COL9A3: variants seen among roughly 807,000 people sequenced by gnomAD.
The protein encoded by COL9A3 is collagen alpha-3(IX) chain.
Under a neutral mutation model 110.2 loss-of-function variants are expected in COL9A3, and 82 were observed. The observed-to-expected ratio is 0.74, with a 90% CI of 0.62 to 0.89. The LOEUF is 0.89. COL9A3 is among the 40% of genes least tolerant of loss of function. COL9A3 has a pLI of 0.00. For synonymous variants in COL9A3, 494 were observed against 403.8 expected, an observed-to-expected ratio of 1.22 and a Z score of -2.68; for missense variants, 1,066 against 981.3, an observed-to-expected ratio of 1.09 and a Z score of -1.15.
At chr20:62,816,862 C>G (rs1267762186), upstream of COL9A3, among the ~76,000 whole-genome samples, 1 of 152,102 alleles carries the variant, frequency 6.6e-6, no homozygotes, top group Non-Finnish European at 1.5e-5. Context: ...GCGCCGCCCG[C>G]CCGGCGTCTT....
At chr20:62,817,413 G>A in intron 1 of COL9A3, 154 bp from the exon 2 acceptor site, 1 of 596,962 alleles carries the variant, frequency 1.7e-6, no homozygotes, top group Admixed American at 3.5e-5. Flanking sequence ...GACACACTGC[G>A]CGGGGGCGCC....
intron 2 of COL9A3, chr20:62,817,952 C>A: frequency 2.2e-6 from 1 of 456,376 alleles, no homozygotes; most frequent in Admixed American, 3.3e-5. Flanking sequence ...AGAGGCACGT[C>A]CTTTGGGTGG....
At chr20:62,817,982 T>TTGGA in intron 2 of COL9A3, 1 of 394,776 alleles carries the variant, frequency 2.5e-6, no homozygotes, top group Non-Finnish European at 4.9e-6. Flanking sequence ...GGGGGTCTTG[T>TTGGA]TGGAGGCTGC....
chr20:62,836,296 C>G lies in COL9A3; in HGVS notation c.1511C>G (p.Pro504Arg). 6.2e-7 allele frequency: 1 copy of G among 1,613,842 alleles called. No individual in the cohort carries two copies. The highest frequency in any genetic ancestry group is 8.5e-7 in the Non-Finnish European group (1 of 1,180,024). Residue 504 changes from proline to arginine, a missense_variant, in exon 28 of 32, where the codon CCG (proline) becomes CGG (arginine). Transcript: ENST00000649368. ...PPGPLGLQGVPGVPGITGKPG... is the reference protein window; with the variant it reads ...PPGPLGLQGVRGVPGITGKPG... ...GGTCCTCTGGGCCTGCAGGGCGTCCCGGGTGTTCCTGGCATCACGGGGAAG... is the reference window on the plus strand; with the variant it reads ...GGTCCTCTGGGCCTGCAGGGCGTCCGGGGTGTTCCTGGCATCACGGGGAAG...
At chr20:62,817,498 GGGA>G in intron 1 of COL9A3, 66 bp from the exon 2 acceptor site, 1 of 1,157,716 alleles carries the variant, frequency 8.6e-7, no homozygotes, top group Non-Finnish European at 1.3e-6. Flanking sequence ...CTCGGGACCC[GGGA>G]GGAGGGGACG....
At chr20:62,839,975 C>T (rs940503610) in intron 31 of COL9A3, among the ~76,000 whole-genome samples, 5 of 152,306 alleles carry the variant, frequency 3.3e-5, no homozygotes, top group East Asian at 1.9e-4. Context: ...GCCCCAGCCA[C>T]GTCTCTCCGC....
chr20:62,822,228 C>A, intron 9 of COL9A3, 64 bp downstream of exon 9: 1 of 876,618 alleles, frequency 1.1e-6, no homozygotes, highest in South Asian at 1.3e-5. Flanking sequence ...GTTGGACCCT[C>A]CCCATTCCCC....
rs774823793 is a variant in COL9A3, at chr20:62,821,196, C to T, written c.325C>T (p.Pro109Ser). 7.0e-5 allele frequency: 113 copies of T among 1,613,132 alleles called. No homozygotes were observed. In the Admixed American group the frequency reaches 1.9e-3, roughly 27 times the overall value. ...CCTCCCACAGGGAAGTCTGGGACCC[C>T]CGGGGCCGCCCGGGCTGGGGGTGAG... Reference protein sequence around the residue: ...APGERGSLGPPGPPGLGGKGL... With the variant: ...APGERGSLGPSGPPGLGGKGL... The change falls in exon 6 of 32, where the codon CCG (proline) becomes TCG (serine). Residue 109 changes from proline (P) to serine (S), a missense_variant. Coordinates refer to ENST00000649368, the MANE Select transcript of COL9A3 (RefSeq NM_001853.4).
intron 31 of COL9A3, among the ~76,000 whole-genome samples, chr20:62,839,173 A>G (rs1385845036): frequency 1.3e-5 from 2 of 151,978 alleles, no homozygotes; most frequent in East Asian, 1.9e-4. Context: ...TGCAGGTTGC[A>G]GTGAGCCAAG....
chr20:62,821,368 G>A (rs116262146), intron 6 of COL9A3, 139 bp from the exon 7 acceptor site: 2 of 1,363,534 alleles, frequency 1.5e-6, no homozygotes, highest in East Asian at 2.4e-5. Flanking sequence ...TGGGGTCCTG[G>A]TGCCCTCTCT....
chr20:62,840,710 A>C lies in COL9A3; in HGVS notation c.2033A>C (p.Lys678Thr). 1 of 1,584,408 alleles carries C rather than the reference A, an allele frequency of 6.3e-7. No homozygotes were observed. Among genetic ancestry groups the C allele is most frequent in the South Asian group, 1.1e-5 (1 of 87,388 alleles). The change falls in exon 32 of 32, where the codon AAA becomes ACA. Residue 678 changes from lysine to threonine, a missense_variant. Physicochemically the swap from Lys to Thr is moderately conservative, Grantham distance 78. Transcript: ENST00000649368. The part of the protein sequence containing the change: ...QGAVLGGVGE[K>T]SGSRSS Reference sequence around the variant, plus strand: ...GCCGTGTTAGGAGGGGTCGGGGAGAAATCAGGCTCTCGAAGCTCATAAAAT... The same window carrying C: ...GCCGTGTTAGGAGGGGTCGGGGAGACATCAGGCTCTCGAAGCTCATAAAAT...
In COL9A3 at chr20:62,828,858, G is replaced by A. The variant is rs1321672789; in HGVS notation, c.954+41G>A. ...AGGGTGTGACGGGAGGGAGGGGGCT[G>A]GAGGGGAGTTCGGCCTCCCGAGGCC... On this transcript the variant is annotated intron_variant, in intron 18 of 31. Coordinates refer to ENST00000649368, the MANE Select transcript of COL9A3 (RefSeq NM_001853.4). 4 of 1,612,504 alleles carry A rather than the reference G, an allele frequency of 2.5e-6. No homozygotes were observed. The African/African-American group carries it at 4.0e-5, about 16-fold the overall frequency.
chr20:62,817,674 G>T (rs1195733934), intron 2 of COL9A3, 39 bp downstream of exon 2: 1 of 1,424,888 alleles, frequency 7.0e-7, no homozygotes, highest in African/African-American at 1.4e-5. Context: ...GCGCTCTGGG[G>T]TTCTGGCTCT....
chr20:62,825,240 C>G (rs1192221355), intron 12 of COL9A3, among the ~76,000 whole-genome samples: 1 of 152,094 alleles, frequency 6.6e-6, no homozygotes, highest in Non-Finnish European at 1.5e-5. Context: ...GCACTGGCAC[C>G]TTCTGTGCCT....
chr20:62,829,854 A>T (rs1360341426), intron 22 of COL9A3, 35 bp downstream of exon 22: 1 of 1,542,614 alleles, frequency 6.5e-7, no homozygotes, highest in South Asian at 1.2e-5. Context: ...GTCGGGGGTT[A>T]GCACTGAGCC....
rs1009319304 is a variant in COL9A3 at position 62,826,189 on chromosome 20, G to A, written c.685-15G>A. ...GTGCAGCCCCAGCCTCTGCATCTGT[G>A]CCTCTCTCTCGCAGGGCCCCCGGGG... On this transcript the variant is annotated splice_polypyrimidine_tract_variant and intron_variant, in intron 13 of 31. Coordinates refer to ENST00000649368, the MANE Select transcript of COL9A3 (RefSeq NM_001853.4). 3 of 1,557,002 alleles carry A rather than the reference G, an allele frequency of 1.9e-6. No homozygotes were observed. The highest frequency in any genetic ancestry group is 2.4e-5 in the South Asian group (2 of 84,648).
chr20:62,817,120 T>G lies in COL9A3; in HGVS notation c.56T>G (p.Leu19Arg). 1 of 1,399,560 alleles carries G rather than the reference T, an allele frequency of 7.1e-7. No homozygotes were observed. The highest frequency in any genetic ancestry group is 9.3e-7 in the Non-Finnish European group (1 of 1,071,308). 86.7% of individuals were successfully genotyped at this position (1,399,560 alleles called of 1,614,324 possible). A position where few individuals can be genotyped will look rare whatever the true frequency, so the allele number is the denominator to read the frequency against. ...PLLLLLLLGE[L>R]LAAAGAQRVG... ...CTGCTCCTGCTCCTGCTCGGGGAGC[T>G]TCTGGCGGCCGCCGGGGCGCAGGTG... is the stretch of plus-strand genomic sequence containing the variant. The change falls in exon 1 of 32, where the codon CTT (leucine) becomes CGT (arginine). Residue 19 changes from leucine to arginine, a missense_variant. Transcript: ENST00000649368.
In COL9A3 at chr20:62,830,444, G is replaced by A. The variant is rs1303292801; in HGVS notation, c.1215+31G>A. 3 of 1,521,938 alleles carry A rather than the reference G, an allele frequency of 2.0e-6. No homozygotes were observed. In the African/African-American group the frequency reaches 5.5e-5, roughly 28 times the overall value. 94.3% of individuals were successfully genotyped at this position (1,521,938 alleles called of 1,614,324 possible). A position where few individuals can be genotyped will look rare whatever the true frequency, so the allele number is the denominator to read the frequency against. On this transcript the variant is annotated intron_variant, in intron 23 of 31. Coordinates refer to ENST00000649368, the MANE Select transcript of COL9A3 (RefSeq NM_001853.4). Reference sequence around the variant, plus strand: ...TGAGGTTGGGGCAAGGGCCTGGCATGGGGGGCGGCACACCCAGACGGGCCA... The same window carrying A: ...TGAGGTTGGGGCAAGGGCCTGGCATAGGGGGCGGCACACCCAGACGGGCCA...
intron 22 of COL9A3, 147 bp from the exon 23 acceptor site, chr20:62,830,213 C>T: frequency 1.0e-6 from 1 of 959,994 alleles, no homozygotes; most frequent in South Asian, 1.4e-5. Flanking sequence ...GTAGCCCTGC[C>T]TTTGTCCCCA....
Sources: gnomAD v4.1 joint callset for allele counts (sites outside exome capture counted in the v4.1 genomes callset) on GRCh38, gnomAD v4.1.1 for gene constraint, MANE v1.5 for transcripts, NCBI Gene and HGNC (gene_info 2026-07-23, HGNC 2026-07-21) for gene names.